Variants in CNTNAP5 observed in about 807,000 individuals in gnomAD.
The protein encoded by CNTNAP5 is contactin associated protein family member 5.
CNTNAP5 carries 72 observed loss-of-function variants against 150.2 expected under a neutral mutation model. The ratio of observed to expected loss-of-function variants is 0.48; its 90% CI spans 0.40 to 0.58. The LOEUF is 0.58. Ranked by LOEUF, CNTNAP5 falls within the 20% of genes least tolerant of loss-of-function variation. The probability of loss-of-function intolerance (pLI) is 0.00; values close to 1 mark genes in which losing one functional copy is unlikely to be tolerated. For synonymous variants in CNTNAP5, 672 were observed against 619.8 expected, an observed-to-expected ratio of 1.08 and a Z score of -1.25; for missense variants, 1,636 against 1,626.2, an observed-to-expected ratio of 1.01 and a Z score of -0.10.
In CNTNAP5 at chr2:124,223,266, G is replaced by A. The variant is rs562769350; in HGVS notation, c.187+1457G>A. Among the ~76,000 whole-genome samples, 11 of 152,176 alleles carry A rather than the reference G, an allele frequency of 7.2e-5. No homozygotes were observed. In the South Asian group the frequency reaches 1.2e-3, roughly 17 times the overall value. On this transcript the variant is annotated intron_variant, in intron 2 of 23. Transcript: ENST00000682447. ...CTTCACTAGTACAGATTGAAAAGGG[G>A]TGTAGCAGCAAGAAAATAAAAACTA...
In CNTNAP5 at chr2:124,396,618, G is replaced by A. The variant is rs1045651773; in HGVS notation, c.382-20825G>A. Among the ~76,000 whole-genome samples the A allele has an allele frequency of 4.6e-5, 7 of 152,198 alleles. No homozygotes were observed. In the East Asian group the frequency reaches 5.8e-4, roughly 13 times the overall value. ...AATAGCTTGGTACTTTAAATACAGT[G>A]TCAGAGTCTTCTTTTCAATATTATA... On this transcript the variant is annotated intron_variant, in intron 3 of 23. Coordinates refer to ENST00000682447, the MANE Select transcript of CNTNAP5 (RefSeq NM_001367498.1).
chr2:124,365,674 T>G (rs967093595), intron 3 of CNTNAP5, among the ~76,000 whole-genome samples: 15 of 152,298 alleles, frequency 9.8e-5, no homozygotes, highest in African/African-American at 1.4e-4. Flanking sequence ...AAAAGTTTCC[T>G]GGGAAAGTTC....
At chr2:124,485,238 A>G (rs1208040801) in intron 7 of CNTNAP5, among the ~76,000 whole-genome samples, 1 of 152,148 alleles carries the variant, frequency 6.6e-6, no homozygotes, top group Non-Finnish European at 1.5e-5. Flanking sequence ...CTAGCTTGAG[A>G]TAGGGTGGAC....
chr2:124,609,764 A>C (rs1166339339), intron 11 of CNTNAP5, 37 bp from the exon 12 acceptor site: 2 of 1,607,960 alleles, frequency 1.2e-6, no homozygotes, highest in African/African-American at 2.7e-5. Flanking sequence ...ATGCAGAGCC[A>C]AGCAAAGTTT....
At chr2:124,789,057 C>A (rs1681661868) in intron 17 of CNTNAP5, among the ~76,000 whole-genome samples, 1 of 152,180 alleles carries the variant, frequency 6.6e-6, no homozygotes, top group Admixed American at 6.5e-5. Flanking sequence ...AAGTGACATG[C>A]GTTTGACTCC....
At chr2:124,139,117 G>GT (rs1052761072) in intron 1 of CNTNAP5, among the ~76,000 whole-genome samples, 16 of 151,456 alleles carry the variant, frequency 1.1e-4, no homozygotes, top group South Asian at 8.4e-4. Context: ...TTTTGTTGGA[G>GT]TTTTTTTTTC....
chr2:124,872,042 C>G (rs1677760329), intron 21 of CNTNAP5, among the ~76,000 whole-genome samples: 1 of 152,030 alleles, frequency 6.6e-6, no homozygotes, highest in Admixed American at 6.6e-5. Context: ...GATATAACAT[C>G]TTGCATTCTG....
chr2:124,310,025 A>G (rs549788221), intron 3 of CNTNAP5, among the ~76,000 whole-genome samples: 1 of 149,422 alleles, frequency 6.7e-6, no homozygotes, highest in African/African-American at 2.5e-5. Context: ...GCTCTGGGCA[A>G]TTTTCATCTT....
At chr2:124,279,229 GTGTGTGTGTGTGTGTGTGTC>G (rs1007148296) in intron 3 of CNTNAP5, among the ~76,000 whole-genome samples, 1 of 135,000 alleles carries the variant, frequency 7.4e-6, no homozygotes, top group African/African-American at 3.8e-5. Flanking sequence ...TAGGAAGTGT[GTGTGTGTGTGTGTGTGTGTC>G]TGTGTGTGTG....
rs543017197 is a variant in CNTNAP5 at position 124,240,669 on chromosome 2, A to G, written c.188-1531A>G. ...TCTCAGGAATGGTGAGAAAAAAAAAAAGAAAAAAATCAAAACTTTTCTCAA... is the reference window on the plus strand; with the variant it reads ...TCTCAGGAATGGTGAGAAAAAAAAAGAGAAAAAAATCAAAACTTTTCTCAA... On this transcript the variant is annotated intron_variant, in intron 2 of 23. Transcript: ENST00000682447. 2.0e-4 allele frequency among the ~76,000 whole-genome samples: 31 copies of G among 152,304 alleles called. No individual in the cohort carries two copies. The South Asian group carries it at 5.4e-3, about 26-fold the overall frequency.
chr2:124,028,281 T>C (rs1448251962), intron 1 of CNTNAP5, among the ~76,000 whole-genome samples: 1 of 140,204 alleles, frequency 7.1e-6, no homozygotes, highest in African/African-American at 2.7e-5. Flanking sequence ...TTGTTGGTGG[T>C]TGTTACTATG....
At chr2:124,536,387 G>A (rs553418183) in intron 10 of CNTNAP5, among the ~76,000 whole-genome samples, 2 of 152,244 alleles carry the variant, frequency 1.3e-5, no homozygotes, top group African/African-American at 4.8e-5. Context: ...AGAAATGCAA[G>A]TCTCAGACAG....
At chr2:124,286,885 G>C (rs1483703021) in intron 3 of CNTNAP5, among the ~76,000 whole-genome samples, 1 of 152,156 alleles carries the variant, frequency 6.6e-6, no homozygotes, top group East Asian at 1.9e-4. Flanking sequence ...GAGTAGAATA[G>C]GGGGTGGCAT....
intron 13 of CNTNAP5, among the ~76,000 whole-genome samples, chr2:124,657,607 T>G (rs1236979021): frequency 6.6e-6 from 1 of 152,144 alleles, no homozygotes; most frequent in African/African-American, 2.4e-5. Flanking sequence ...AAAATTAGAT[T>G]ATATAACCAT....
chr2:124,734,135 A>G (rs1680331923), intron 13 of CNTNAP5, among the ~76,000 whole-genome samples: 1 of 152,164 alleles, frequency 6.6e-6, no homozygotes, highest in South Asian at 2.1e-4. Context: ...TAAGCAATAG[A>G]TAAAATATCT....
intron 1 of CNTNAP5, among the ~76,000 whole-genome samples, chr2:124,029,169 A>C (rs1249882577): frequency 6.6e-6 from 1 of 152,118 alleles, no homozygotes; most frequent in Non-Finnish European, 1.5e-5. Context: ...CTCATTCATC[A>C]TATGTAGAAT....
chr2:124,771,681 A>G (rs1681196208), intron 16 of CNTNAP5, among the ~76,000 whole-genome samples: 1 of 151,678 alleles, frequency 6.6e-6, no homozygotes, highest in South Asian at 2.1e-4. Context: ...CACTATCATC[A>G]CCACCACCAT....
chr2:124,395,686 A>C (rs962830754), intron 3 of CNTNAP5, among the ~76,000 whole-genome samples: 1 of 152,070 alleles, frequency 6.6e-6, no homozygotes, highest in Non-Finnish European at 1.5e-5. Context: ...TCTAAACACT[A>C]TGTCCATGTA....
intron 3 of CNTNAP5, among the ~76,000 whole-genome samples, chr2:124,366,073 C>A (rs914797202): frequency 6.6e-6 from 1 of 152,172 alleles, no homozygotes; most frequent in Non-Finnish European, 1.5e-5. Context: ...ATAGTCTATA[C>A]AGTGGGGACT....
Sources: gnomAD v4.1 joint callset for allele counts (sites outside exome capture counted in the v4.1 genomes callset) on GRCh38, gnomAD v4.1.1 for gene constraint, MANE v1.5 for transcripts, NCBI Gene and HGNC (gene_info 2026-07-23, HGNC 2026-07-21) for gene names.